HCRTR2: variants seen among roughly 807,000 people sequenced by gnomAD.
HCRTR2 encodes the protein hypocretin receptor 2.
In HCRTR2, 22 loss-of-function variants were observed where a neutral mutation model predicts 49.0. The observed-to-expected ratio is 0.45, with a 90% CI of 0.32 to 0.64. The LOEUF is 0.64. Among genes scored for constraint, HCRTR2 ranks in the 30% least tolerant of loss-of-function variants. The pLI is 0.04. For synonymous variants in HCRTR2, 236 were observed against 205.3 expected (o/e 1.15, Z -1.28); for missense variants, 491 against 559.4 (o/e 0.88, Z 1.23).
chr6:55,251,097 T>C (rs1381826533), intron 2 of HCRTR2, among the ~76,000 whole-genome samples: 4 of 152,300 alleles, frequency 2.6e-5, no homozygotes, highest in African/African-American at 9.6e-5. Flanking sequence ...GCAGATTTTC[T>C]CCCTAGTTGT....
At chr6:55,160,610 T>C (rs1334939268) in intron 1 of HCRTR2, among the ~76,000 whole-genome samples, 6 of 152,068 alleles carry the variant, frequency 3.9e-5, no homozygotes, top group Non-Finnish European at 7.4e-5. Context: ...CAAAGATACA[T>C]ATAGGCTCGA....
intron 1 of HCRTR2, among the ~76,000 whole-genome samples, chr6:55,190,204 T>C (rs1217075510): frequency 6.6e-6 from 1 of 152,258 alleles, no homozygotes; most frequent in Non-Finnish European, 1.5e-5. Context: ...GTGTGCCTAT[T>C]GCAGCAAACA....
chr6:55,187,953 C>T (rs1456214070), intron 1 of HCRTR2, among the ~76,000 whole-genome samples: 4 of 151,382 alleles, frequency 2.6e-5, no homozygotes, highest in Middle Eastern at 3.2e-3. Context: ...ATTTTTTTTT[C>T]TTGTATTTTT....
At chr6:55,164,662 A>G (rs1365129706) in intron 1 of HCRTR2, among the ~76,000 whole-genome samples, 2 of 152,178 alleles carry the variant, frequency 1.3e-5, no homozygotes, top group East Asian at 1.9e-4. Context: ...ATTAGGAGAA[A>G]TACATAATGT....
upstream of HCRTR2, among the ~76,000 whole-genome samples, chr6:55,169,582 A>C (rs2127266492): frequency 6.6e-6 from 1 of 152,060 alleles, no homozygotes; most frequent in Non-Finnish European, 1.5e-5. Context: ...ATTTAGCTGA[A>C]GACCATATTG....
chr6:55,137,830 C>T (rs1290216022), intron 1 of HCRTR2, among the ~76,000 whole-genome samples: 1 of 152,110 alleles, frequency 6.6e-6, no homozygotes, highest in African/African-American at 2.4e-5. Flanking sequence ...CTGTAAAGAA[C>T]CAAAAATACC....
At chr6:55,281,048 A>T (rs925518371) in intron 6 of HCRTR2, among the ~76,000 whole-genome samples, 1 of 152,180 alleles carries the variant, frequency 6.6e-6, no homozygotes, top group Non-Finnish European at 1.5e-5. Flanking sequence ...ACTATTGTTT[A>T]TTCACATTTT....
chr6:55,227,988 G>A (rs982503232), intron 1 of HCRTR2, among the ~76,000 whole-genome samples: 4 of 152,156 alleles, frequency 2.6e-5, no homozygotes, highest in Admixed American at 2.0e-4. Flanking sequence ...TGAAAGATGA[G>A]GTGGTAGCTT....
At chr6:55,172,569 C>T (rs1006989640), upstream of HCRTR2, among the ~76,000 whole-genome samples, 1 of 152,130 alleles carries the variant, frequency 6.6e-6, no homozygotes, top group South Asian at 2.1e-4. Context: ...AACAATATTT[C>T]TCATAAAATG....
intron 1 of HCRTR2, among the ~76,000 whole-genome samples, chr6:55,229,035 A>T (rs756747887): frequency 9.2e-5 from 14 of 152,102 alleles, no homozygotes; most frequent in Non-Finnish European, 1.9e-4. Flanking sequence ...GTGGGATGTT[A>T]AAAGGAGGGA....
chr6:55,226,020 GCAATGAGAGGGACAAA>G (rs1562013396), intron 1 of HCRTR2, among the ~76,000 whole-genome samples: 1 of 152,190 alleles, frequency 6.6e-6, no homozygotes, highest in African/African-American at 2.4e-5. Flanking sequence ...GCATCCCTGT[GCAATGAGAGGGACAAA>G]CAAGGTGGTT....
chr6:55,248,166 G>T lies in HCRTR2; in HGVS notation c.224-473G>T, dbSNP rs1581855457. ...AATGGTAGGAGCTGAATAATTGTTAGCTCTTACCTTAAAAAATTATTTGTT... is the reference window on the plus strand; with the variant it reads ...AATGGTAGGAGCTGAATAATTGTTATCTCTTACCTTAAAAAATTATTTGTT... On this transcript the variant is annotated intron_variant, in intron 1 of 6. Transcript: ENST00000370862. Among the ~76,000 whole-genome samples, 3 of 152,108 alleles carry T rather than the reference G, an allele frequency of 2.0e-5. No homozygotes were observed. In the South Asian group the frequency reaches 6.2e-4, roughly 31 times the overall value.
At chr6:55,283,879 G>T (rs183361175), downstream of HCRTR2, among the ~76,000 whole-genome samples, 1 of 152,098 alleles carries the variant, frequency 6.6e-6, no homozygotes, top group African/African-American at 2.4e-5. Flanking sequence ...TGGAATTTGG[G>T]ATTCTGTTAC....
At chr6:55,151,230 C>T (rs1764660686) in intron 1 of HCRTR2, among the ~76,000 whole-genome samples, 1 of 151,910 alleles carries the variant, frequency 6.6e-6, no homozygotes, top group African/African-American at 2.4e-5. Flanking sequence ...TTGACACTTA[C>T]TCTAACAAAA....
At chr6:55,109,082 G>A (rs1033587301) in intron 1 of HCRTR2, among the ~76,000 whole-genome samples, 3 of 152,158 alleles carry the variant, frequency 2.0e-5, no homozygotes, top group African/African-American at 7.2e-5. Flanking sequence ...GGACTCTGCA[G>A]ACACTTCCCA....
At chr6:55,217,298 T>C (rs546814290) in intron 1 of HCRTR2, among the ~76,000 whole-genome samples, 6 of 152,312 alleles carry the variant, frequency 3.9e-5, no homozygotes, top group Admixed American at 3.3e-4. Flanking sequence ...TGCTAATCTC[T>C]TTAGCAAGCA....
At chr6:55,187,407 G>A (rs1307976731) in intron 1 of HCRTR2, among the ~76,000 whole-genome samples, 8 of 80,350 alleles carry the variant, frequency 1.0e-4, no homozygotes, top group East Asian at 4.0e-4. Flanking sequence ...GTGAGACTCC[G>A]TCTCAAAAAA....
chr6:55,133,169 G>A (rs1004839286), intron 1 of HCRTR2, among the ~76,000 whole-genome samples: 3 of 151,754 alleles, frequency 2.0e-5, no homozygotes, highest in African/African-American at 7.3e-5. Context: ...TAAAATGGTA[G>A]GACTTATTTT....
intron 1 of HCRTR2, among the ~76,000 whole-genome samples, chr6:55,164,745 C>T (rs1764852433): frequency 6.6e-6 from 1 of 151,638 alleles, no homozygotes; most frequent in Admixed American, 6.6e-5. Flanking sequence ...GCACGTTCTG[C>T]ACATGTATCC....
Sources: gnomAD v4.1 joint callset for allele counts (sites outside exome capture counted in the v4.1 genomes callset) on GRCh38, gnomAD v4.1.1 for gene constraint, MANE v1.5 for transcripts, NCBI Gene and HGNC (gene_info 2026-07-23, HGNC 2026-07-21) for gene names.